The following CD3G variants were observed in gnomAD, a reference collection of about 807,000 sequenced individuals.
The protein encoded by CD3G is T-cell surface glycoprotein CD3 gamma chain.
CD3G carries 24 observed loss-of-function variants against 28.3 expected under a neutral mutation model. The ratio of observed to expected loss-of-function variants is 0.85; its 90% CI spans 0.61 to 1.19. The LOEUF (loss-of-function observed/expected upper bound fraction) is 1.19. Ranked by LOEUF, CD3G falls within the 50% of genes most tolerant of loss-of-function variation. The probability of loss-of-function intolerance (pLI) is 0.00; values close to 1 mark genes in which losing one functional copy is unlikely to be tolerated. For missense variants in CD3G, 211 were observed against 210.0 expected, an observed-to-expected ratio of 1.00 and a Z score of -0.03; for synonymous variants, 71 against 75.9, an observed-to-expected ratio of 0.93 and a Z score of 0.34.
At chr11:118,351,051 G>A in intron 4 of CD3G, 1 of 305,048 alleles carries the variant, frequency 3.3e-6, no homozygotes, top group Non-Finnish European at 5.8e-6. Flanking sequence ...AGCCGGGCGT[G>A]GTGGCGGGTG....
At position 118,350,551 on chromosome 11, in the gene CD3G, G is replaced by A. The variant is rs1189609335; in HGVS notation, c.308-1G>A. ...AGGTTTGTCTCTCCTTTTCCCTACA[G>A]TGTGTCAGAACTGCATTGAACTAAA... On this transcript the variant is annotated splice_acceptor_variant, in intron 3 of 6. Transcript: ENST00000532917. LOFTEE classifies it high-confidence loss of function. The A allele has an allele frequency of 6.2e-7, 1 of 1,610,820 alleles. No individual in the cohort carries two copies.
At position 118,351,663 on chromosome 11, in the gene CD3G, C is replaced by A; in HGVS notation, c.475C>A (p.Leu159Ile). ...DKQTLLPNDQ[L>I]YQPLKDREDD... ...GCAGACTCTGTTGCCCAATGACCAG[C>A]TCTACCAGGTAAGGGGATGAAGAAT... Residue 159 changes from leucine (L) to isoleucine (I), a missense_variant, in exon 5 of 7, where the codon CTC becomes ATC. Physicochemically the swap from Leu to Ile is conservative, Grantham distance 5 (BLOSUM62 2). Coordinates refer to ENST00000532917, the MANE Select transcript of CD3G (RefSeq NM_000073.3). 1 of 1,613,920 alleles carries A rather than the reference C, an allele frequency of 6.2e-7. No homozygotes were observed. The highest frequency in any genetic ancestry group is 8.5e-7 in the Non-Finnish European group (1 of 1,179,888).
At chr11:118,351,199 A>C (rs956366080) in intron 4 of CD3G, among the ~76,000 whole-genome samples, 1 of 151,688 alleles carries the variant, frequency 6.6e-6, no homozygotes, top group African/African-American at 2.4e-5. Context: ...AAAAAAAAAA[A>C]AAAAAAACTA....
rs1036439500 is a variant in CD3G, at chr11:118,349,770, A to G, written c.107A>G (p.Tyr36Cys). Residue 36 changes from tyrosine (Y) to cysteine (C), a missense_variant, in exon 3 of 7, where the codon TAT becomes TGT. By Grantham distance (194) the Tyr-to-Cys change is radical (BLOSUM62 -2). Coordinates refer to ENST00000532917, the MANE Select transcript of CD3G (RefSeq NM_000073.3). Reference sequence around the variant, plus strand: ...AACCACTTGGTTAAGGTGTATGACTATCAAGAAGATGGTTCGGTACTTCTG... The same window carrying G: ...AACCACTTGGTTAAGGTGTATGACTGTCAAGAAGATGGTTCGGTACTTCTG... Reference protein sequence around the residue: ...KGNHLVKVYDYQEDGSVLLTC... With the variant: ...KGNHLVKVYDCQEDGSVLLTC... 6.2e-7 allele frequency: 1 copy of G among 1,614,116 alleles called. No homozygotes were observed. The highest frequency in any genetic ancestry group is 1.3e-5 in the African/African-American group (1 of 75,060).
At chr11:118,350,419 T>C in intron 3 of CD3G, 133 bp from the exon 4 acceptor site, 1 of 769,288 alleles carries the variant, frequency 1.3e-6, no homozygotes, top group South Asian at 1.4e-5. Context: ...GCAAGGATCT[T>C]CCCTTGCCCT....
At chr11:118,352,306 C>T (rs1430231678) in intron 5 of CD3G, 98 bp from the exon 6 acceptor site, 8 of 988,674 alleles carry the variant, frequency 8.1e-6, no homozygotes, top group African/African-American at 7.9e-5. Flanking sequence ...GAAGTACCCA[C>T]TCCAAATTCT....
At chr11:118,349,659 A>T in intron 2 of CD3G, 84 bp from the exon 3 acceptor site, 1 of 1,025,694 alleles carries the variant, frequency 9.7e-7, no homozygotes, top group Non-Finnish European at 1.5e-6. Flanking sequence ...GAGAAACACT[A>T]CTCTAATGAT....
At position 118,353,408 on chromosome 11, in the gene CD3G, G is replaced by T. The variant is rs73018291; in HGVS notation, c.*308G>T. On this transcript the variant is annotated 3_prime_UTR_variant, in exon 7 of 7. Coordinates refer to ENST00000532917, the MANE Select transcript of CD3G (RefSeq NM_000073.3). ...TTTTTTGTGTTGTAATTTTTATTTC[G>T]TTTTTGTATAGGTTATAATTCACAT... 1 of 151,210 alleles carries T rather than the reference G, an allele frequency of 6.6e-6. No individual in the cohort carries two copies. Among genetic ancestry groups the T allele is most frequent in the African/African-American group, 2.4e-5 (1 of 41,152 alleles). The allele number at this position is 151,210 out of a possible 1,614,324, so 9.4% of individuals were successfully genotyped here.
rs1007218806 is a variant in CD3G, at chr11:118,351,206, A to C, written c.440-422A>C. Among the ~76,000 whole-genome samples the C allele has an allele frequency of 4.6e-5, 7 of 151,230 alleles. No homozygotes were observed. In the East Asian group the frequency reaches 9.7e-4, roughly 21 times the overall value. On this transcript the variant is annotated intron_variant, in intron 4 of 6. Coordinates refer to ENST00000532917, the MANE Select transcript of CD3G (RefSeq NM_000073.3). ...CGTCTCAAAAAAAAAAAAAAAAAAA[A>C]CTATTTTAAGTAAACCCTTACATAC... is the stretch of plus-strand genomic sequence containing the variant.
chr11:118,353,226 A>G lies in CD3G; in HGVS notation c.*126A>G, dbSNP rs1012948566. ...AAATCTAGACTCAAGGTTCCCAGAGATGACAAATGGAGAAGAAAGGCCATC... is the reference window on the plus strand; with the variant it reads ...AAATCTAGACTCAAGGTTCCCAGAGGTGACAAATGGAGAAGAAAGGCCATC... On this transcript the variant is annotated 3_prime_UTR_variant, in exon 7 of 7. Transcript: ENST00000532917. The G allele has an allele frequency of 6.6e-6, 1 of 152,204 alleles. No homozygotes were observed. Among genetic ancestry groups the G allele is most frequent in the Non-Finnish European group, 1.5e-5 (1 of 68,058 alleles). The allele number at this position is 152,204 out of a possible 1,614,324, so 9.4% of individuals were successfully genotyped here.
Position 118,349,860 on chromosome 11 carries a change from C to A in CD3G, c.197C>A (p.Thr66Asn), listed in dbSNP as rs751585021. ...FKDGKMIGFL[T>N]EDKKKWNLGS... ...GATGGGAAGATGATCGGCTTCCTAA[C>A]TGAAGATAAAAAAAAATGGAATCTG... Residue 66 changes from threonine to asparagine, a missense_variant, in exon 3 of 7, where the codon ACT becomes AAT. Thr to Asn is a moderately conservative substitution (Grantham distance 65, BLOSUM62 0). Transcript: ENST00000532917. 1 of 1,613,932 alleles carries A rather than the reference C, an allele frequency of 6.2e-7. No homozygotes were observed.
chr11:118,346,802 G>GAA (rs1156655818), intron 1 of CD3G, among the ~76,000 whole-genome samples: 2 of 31,540 alleles, frequency 6.3e-5, no homozygotes, highest in Non-Finnish European at 7.8e-5. Flanking sequence ...GACAGAGCAA[G>GAA]AAAAAAAAAA....
chr11:118,351,735 G>A, intron 5 of CD3G, 64 bp downstream of exon 5: 4 of 1,478,096 alleles, frequency 2.7e-6, no homozygotes, highest in South Asian at 1.1e-5. Context: ...TTGGGATTGA[G>A]GGGCATGTTA....
At chr11:118,351,127 G>A (rs112683240) in intron 4 of CD3G, among the ~76,000 whole-genome samples, 1 of 149,024 alleles carries the variant, frequency 6.7e-6, no homozygotes, top group Non-Finnish European at 1.5e-5. Context: ...GGCGGAGCTT[G>A]CGTGAGCCGA....
intron 3 of CD3G, 131 bp downstream of exon 3, chr11:118,350,101 G>A: frequency 1.3e-6 from 1 of 745,064 alleles, no homozygotes; most frequent in South Asian, 1.5e-5. Flanking sequence ...CTTAATTTCA[G>A]CTTGCCTCTT....
At chr11:118,352,538 T>C (rs1364742878) in intron 6 of CD3G, 51 bp downstream of exon 6, 20 of 1,201,324 alleles carry the variant, frequency 1.7e-5, no homozygotes, top group Non-Finnish European at 2.1e-5. Flanking sequence ...TCAACTGCCC[T>C]CGCAATTGCT....
rs1406808738 is a variant in CD3G, at chr11:118,352,394, T to C, written c.484-10T>C. On this transcript the variant is annotated splice_polypyrimidine_tract_variant and intron_variant, in intron 5 of 6. Coordinates refer to ENST00000532917, the MANE Select transcript of CD3G (RefSeq NM_000073.3). ...GAAAAAATGACTTATGACTGTGCTG[T>C]CCTTTCCAGCCCCTCAAGGATCGAG... is the stretch of plus-strand genomic sequence containing the variant. The C allele has an allele frequency of 6.2e-7, 1 of 1,612,454 alleles. No homozygotes were observed. Among genetic ancestry groups the C allele is most frequent in the East Asian group, 2.2e-5 (1 of 44,882 alleles).
chr11:118,350,133 C>A, intron 3 of CD3G, 163 bp downstream of exon 3: 1 of 659,458 alleles, frequency 1.5e-6, no homozygotes. Flanking sequence ...TAAGATACTT[C>A]CCTCACCCTA....
At chr11:118,344,516 G>C (rs201912617) in intron 1 of CD3G, 38 bp downstream of exon 1, 42 of 1,514,986 alleles carry the variant, frequency 2.8e-5, no homozygotes, top group African/African-American at 4.1e-5. Flanking sequence ...CTGGGGAAGG[G>C]CTCAAGGGAA....
Sources: allele counts gnomAD v4.1 joint callset (sites outside exome capture counted in the v4.1 genomes callset), GRCh38; gene constraint gnomAD v4.1.1; transcripts MANE v1.5; gene names NCBI Gene and HGNC (gene_info 2026-07-23, HGNC 2026-07-21).